The following ASCC3 variants were observed in gnomAD, a reference collection of about 807,000 sequenced individuals.
ASCC3 encodes the protein activating signal cointegrator 1 complex subunit 3.
Under a neutral mutation model 256.3 loss-of-function variants are expected in ASCC3, and 158 were observed. That is an observed-to-expected ratio of 0.62 (90% CI 0.54 to 0.70). The LOEUF (loss-of-function observed/expected upper bound fraction) is 0.70, where lower values mean the gene tolerates loss of function less well. Ranked by LOEUF, ASCC3 falls within the 30% of genes least tolerant of loss-of-function variation. The pLI, the probability that ASCC3 is intolerant of heterozygous loss-of-function variation, is 0.00. For synonymous variants in ASCC3, 948 were observed against 883.4 expected, an observed-to-expected ratio of 1.07 and a Z score of -1.30; for missense variants, 2,259 against 2,626.0, an observed-to-expected ratio of 0.86 and a Z score of 3.05.
intron 18 of ASCC3, 62 bp from the exon 19 acceptor site, chr6:100,651,708 AT>A (rs1775680245): frequency 1.2e-5 from 11 of 896,582 alleles, no homozygotes; most frequent in African/African-American, 1.7e-5. Flanking sequence ...TAAATTAAAA[AT>A]GTGACTATAA....
intron 10 of ASCC3, among the ~76,000 whole-genome samples, chr6:100,741,779 G>A (rs577833131): frequency 3.3e-5 from 5 of 152,070 alleles, no homozygotes; most frequent in South Asian, 2.1e-4. Context: ...GTCAGCTCTC[G>A]TACTGTTTTA....
At chr6:100,705,007 G>A (rs75358662) in intron 13 of ASCC3, among the ~76,000 whole-genome samples, 6,457 of 152,060 alleles carry the variant, frequency 0.042, 244 homozygotes, top group East Asian at 0.19. Flanking sequence ...GGAATTATTA[G>A]CCGGAATGAT....
At chr6:100,837,733 T>TG (rs1771944570) in intron 4 of ASCC3, among the ~76,000 whole-genome samples, 4 of 151,830 alleles carry the variant, frequency 2.6e-5, no homozygotes, top group African/African-American at 9.7e-5. Context: ...CTGGGGAGAT[T>TG]GGGGGTGGAG....
chr6:100,515,004 C>T (rs1276392856), intron 39 of ASCC3, among the ~76,000 whole-genome samples: 2 of 152,162 alleles, frequency 1.3e-5, no homozygotes, highest in Admixed American at 1.3e-4. Flanking sequence ...TAACCATCAT[C>T]ATATCAGACA....
At chr6:100,689,726 C>T (rs1777750107) in intron 13 of ASCC3, among the ~76,000 whole-genome samples, 1 of 152,100 alleles carries the variant, frequency 6.6e-6, no homozygotes, top group Admixed American at 6.6e-5. Flanking sequence ...TATGAGGTAA[C>T]AAGCAAACTT....
Position 100,695,157 on chromosome 6 carries a change from T to G in ASCC3, c.2152-15405A>C, listed in dbSNP as rs193228898. Among the ~76,000 whole-genome samples the G allele has an allele frequency of 2.6e-5, 4 of 152,110 alleles. No homozygotes were observed. In the East Asian group the frequency reaches 7.7e-4, roughly 29 times the overall value. On this transcript the variant is annotated intron_variant, in intron 13 of 41. Coordinates refer to ENST00000369162, the MANE Select transcript of ASCC3 (RefSeq NM_006828.4). ...ACTTTAGACAAACTCAAATTGGGAGTCATTTTACAAAATAATTGATATACG... is the reference window on the plus strand; with the variant it reads ...ACTTTAGACAAACTCAAATTGGGAGGCATTTTACAAAATAATTGATATACG...
intron 25 of ASCC3, among the ~76,000 whole-genome samples, chr6:100,632,642 G>A (rs568648032): frequency 1.3e-5 from 2 of 152,034 alleles, no homozygotes; most frequent in African/African-American, 2.4e-5. Context: ...CAGACCAGTG[G>A]AACAGAAAAG....
chr6:100,663,812 A>C (rs1220949035), intron 14 of ASCC3, among the ~76,000 whole-genome samples: 1 of 152,122 alleles, frequency 6.6e-6, no homozygotes, highest in Non-Finnish European at 1.5e-5. Context: ...TTAAGATGAA[A>C]AAGGCTTTAA....
chr6:100,524,558 T>A (rs1037527572), intron 37 of ASCC3, among the ~76,000 whole-genome samples: 11 of 152,092 alleles, frequency 7.2e-5, no homozygotes, highest in Non-Finnish European at 1.5e-4. Context: ...TCCGTATCAT[T>A]AAATGTACAT....
chr6:100,774,462 T>G (rs533227477), intron 8 of ASCC3, among the ~76,000 whole-genome samples: 2 of 152,006 alleles, frequency 1.3e-5, no homozygotes, highest in East Asian at 3.9e-4. Flanking sequence ...GCCTCCCAGG[T>G]TCAAGCAATT....
intron 30 of ASCC3, among the ~76,000 whole-genome samples, chr6:100,612,106 TG>T (rs1250657839): frequency 1.3e-5 from 2 of 152,078 alleles, no homozygotes; most frequent in Non-Finnish European, 1.5e-5. Context: ...GAGGCACATA[TG>T]TAAACTGTTG....
chr6:100,851,774 G>A (rs1443165549), intron 3 of ASCC3, among the ~76,000 whole-genome samples: 1 of 152,166 alleles, frequency 6.6e-6, no homozygotes, highest in Non-Finnish European at 1.5e-5. Flanking sequence ...GGTTCTGGGA[G>A]TTCCACCAGC....
intron 16 of ASCC3, among the ~76,000 whole-genome samples, chr6:100,656,495 GAAA>G (rs1363502722): frequency 2.0e-5 from 3 of 151,376 alleles, no homozygotes; most frequent in African/African-American, 7.3e-5. Context: ...TTAACCTATG[GAAA>G]AAATATTCAT....
At chr6:100,742,909 T>C (rs1780502188) in intron 10 of ASCC3, among the ~76,000 whole-genome samples, 1 of 152,228 alleles carries the variant, frequency 6.6e-6, no homozygotes, top group African/African-American at 2.4e-5. Context: ...GCTGCTTGGC[T>C]TCCTGGATTC....
chr6:100,734,138 C>A (rs904407323), intron 10 of ASCC3, among the ~76,000 whole-genome samples: 3 of 152,150 alleles, frequency 2.0e-5, no homozygotes, highest in East Asian at 1.9e-4. Flanking sequence ...GCTTTTGTAA[C>A]CACCATTAAG....
At position 100,679,744 on chromosome 6, in the gene ASCC3, C is replaced by A. The variant is rs1396712031; in HGVS notation, c.2160G>T (p.Val720=). ...KQVKAGHQVM[V]FVHARNATVR... ...CAGTGGCATTTCGAGCATGTACAAA[C>A]ACCATCACCTGAAAAAAAGGAAAGC... Residue 720 remains valine (V), a synonymous_variant, in exon 14 of 42, where the codon GTG becomes GTT. Coordinates refer to ENST00000369162, the MANE Select transcript of ASCC3 (RefSeq NM_006828.4). 6.2e-7 allele frequency: 1 copy of A among 1,613,468 alleles called. No individual in the cohort carries two copies. The highest frequency in any genetic ancestry group is 1.1e-5 in the South Asian group (1 of 91,064).
At chr6:100,561,290 TC>T (rs1769937918) in intron 36 of ASCC3, among the ~76,000 whole-genome samples, 1 of 152,132 alleles carries the variant, frequency 6.6e-6, no homozygotes, top group Non-Finnish European at 1.5e-5. Context: ...TTAGGGGTCT[TC>T]TGATTCATCA....
At chr6:100,807,004 C>G (rs1051196306) in intron 4 of ASCC3, among the ~76,000 whole-genome samples, 1 of 151,682 alleles carries the variant, frequency 6.6e-6, no homozygotes, top group Non-Finnish European at 1.5e-5. Flanking sequence ...ACAAATTGGC[C>G]AAAGTTACAA....
In ASCC3 at chr6:100,800,337, G is replaced by C. The variant is rs201492575; in HGVS notation, c.1090C>G (p.Leu364Val). 2 of 1,612,782 alleles carry C rather than the reference G, an allele frequency of 1.2e-6. No individual in the cohort carries two copies. Among genetic ancestry groups the C allele is most frequent in the Non-Finnish European group, 1.7e-6 (2 of 1,179,280 alleles). Residue 364 changes from leucine (L) to valine (V), a missense_variant, in exon 6 of 42, where the codon CTT (leucine) becomes GTT (valine). Physicochemically the swap from Leu to Val is conservative, Grantham distance 32 (BLOSUM62 1). Transcript: ENST00000369162. Reference sequence around the variant, plus strand: ...AATTCCTTAGGATCAAAGCACATAAGTCCTTCTGAAACTTCTAAATCTTCT... The same window carrying C: ...AATTCCTTAGGATCAAAGCACATAACTCCTTCTGAAACTTCTAAATCTTCT... ...AGEDLEVSEG[L>V]MCFDPKELRI...
Sources: allele counts gnomAD v4.1 joint callset (sites outside exome capture counted in the v4.1 genomes callset), GRCh38; gene constraint gnomAD v4.1.1; transcripts MANE v1.5; gene names NCBI Gene and HGNC (gene_info 2026-07-23, HGNC 2026-07-21).